The following SLCO1B1 variants were observed in gnomAD, a reference collection of about 807,000 sequenced individuals.
SLCO1B1 encodes solute carrier organic anion transporter family member 1B1.
A neutral mutation model predicts 70.1 loss-of-function variants in SLCO1B1; 81 were observed. The observed-to-expected ratio is 1.16, with a 90% confidence interval of 0.97 to 1.39. The LOEUF (loss-of-function observed/expected upper bound fraction) is 1.39, where lower values mean the gene tolerates loss of function less well. SLCO1B1 is among the 40% of genes most tolerant of loss of function. SLCO1B1 has a pLI of 0.00. For synonymous variants in SLCO1B1, 283 were observed against 271.5 expected (o/e 1.04, Z -0.42); for missense variants, 895 against 799.6 (o/e 1.12, Z -1.44).
At chr12:21,131,412 T>G (rs73244851) in intron 1 of SLCO1B1, among the ~76,000 whole-genome samples, 176 bp downstream of exon 1, 1,804 of 152,160 alleles carry the variant, frequency 0.012, 47 homozygotes, top group African/African-American at 0.041. Context: ...TAGAAGAGCC[T>G]CAGGTTTATA....
intron 11 of SLCO1B1, among the ~76,000 whole-genome samples, chr12:21,209,553 C>A (rs368626859): frequency 6.6e-6 from 1 of 152,088 alleles, no homozygotes; most frequent in Non-Finnish European, 1.5e-5. Context: ...GCATGATTTA[C>A]AGTCATTTGG....
intron 11 of SLCO1B1, 54 bp from the exon 12 acceptor site, chr12:21,217,065 G>T: frequency 7.7e-7 from 1 of 1,293,874 alleles, no homozygotes; most frequent in Non-Finnish European, 1.1e-6. Context: ...TGTATTTGCA[G>T]CACTGTTAGG....
At chr12:21,235,478 C>T (rs910444650) in intron 14 of SLCO1B1, among the ~76,000 whole-genome samples, 7 of 146,186 alleles carry the variant, frequency 4.8e-5, no homozygotes, top group African/African-American at 1.8e-4. Flanking sequence ...CAGAAGGTTG[C>T]CTTTTTTTTT....
chr12:21,146,405 A>C (rs560282660), intron 2 of SLCO1B1, among the ~76,000 whole-genome samples: 4 of 152,118 alleles, frequency 2.6e-5, no homozygotes, highest in Admixed American at 1.3e-4. Context: ...TGGTTTTGTC[A>C]ATTTCCTCTA....
intron 7 of SLCO1B1, among the ~76,000 whole-genome samples, chr12:21,184,030 A>G (rs1447336525): frequency 1.3e-5 from 2 of 151,806 alleles, no homozygotes; most frequent in African/African-American, 2.4e-5. Flanking sequence ...AATCCACTCC[A>G]TCAGACAAAA....
intron 2 of SLCO1B1, among the ~76,000 whole-genome samples, chr12:21,158,303 G>T (rs192221029): frequency 6.6e-6 from 1 of 152,254 alleles, no homozygotes; most frequent in East Asian, 1.9e-4. Context: ...CATGTTATTA[G>T]ATGTTTAAAA....
intron 2 of SLCO1B1, among the ~76,000 whole-genome samples, chr12:21,164,360 C>T (rs559242241): frequency 1.3e-5 from 2 of 152,064 alleles, no homozygotes; most frequent in African/African-American, 2.4e-5. Context: ...TACAGTTATC[C>T]GAACTAGAAA....
intron 2 of SLCO1B1, among the ~76,000 whole-genome samples, chr12:21,158,631 T>A (rs1445768703): frequency 6.6e-6 from 1 of 151,932 alleles, no homozygotes; most frequent in Non-Finnish European, 1.5e-5. Flanking sequence ...GAGGCAGAGG[T>A]TGCAGTGAGC....
At chr12:21,161,404 C>T (rs1297706805) in intron 2 of SLCO1B1, among the ~76,000 whole-genome samples, 1 of 152,108 alleles carries the variant, frequency 6.6e-6, no homozygotes, top group Non-Finnish European at 1.5e-5. Flanking sequence ...CAAACTAACA[C>T]AGGAAGAGAA....
intron 2 of SLCO1B1, among the ~76,000 whole-genome samples, chr12:21,157,711 C>T (rs1267487392): frequency 1.3e-5 from 2 of 151,426 alleles, no homozygotes; most frequent in South Asian, 2.1e-4. Context: ...ACGCCATTCT[C>T]CTGCCTCAGC....
chr12:21,180,189 G>C (rs973568650), intron 7 of SLCO1B1, among the ~76,000 whole-genome samples: 1 of 152,072 alleles, frequency 6.6e-6, no homozygotes, highest in Non-Finnish European at 1.5e-5. Flanking sequence ...CAACCCCACT[G>C]TATTCCCTAT....
chr12:21,135,092 C>T (rs1940198983), intron 1 of SLCO1B1, among the ~76,000 whole-genome samples: 1 of 152,100 alleles, frequency 6.6e-6, no homozygotes, highest in Non-Finnish European at 1.5e-5. Context: ...TCATTATGTA[C>T]CCAGTAGTCA....
At chr12:21,226,731 T>G (rs1212425665) in intron 14 of SLCO1B1, among the ~76,000 whole-genome samples, 2 of 151,156 alleles carry the variant, frequency 1.3e-5, no homozygotes, top group Non-Finnish European at 2.9e-5. Context: ...TTAATAATAA[T>G]GCATTCATAT....
In SLCO1B1 at chr12:21,217,302, A is replaced by G; in HGVS notation, c.1681A>G (p.Lys561Glu). 1 of 1,612,528 alleles carries G rather than the reference A, an allele frequency of 6.2e-7. No homozygotes were observed. Among genetic ancestry groups the G allele is most frequent in the Non-Finnish European group, 8.5e-7 (1 of 1,178,660 alleles). The change falls in exon 12 of 15, where the codon AAA becomes GAA. Residue 561 changes from lysine to glutamate, a missense_variant and splice_region_variant. By Grantham distance (56) the Lys-to-Glu change is moderately conservative. Transcript: ENST00000256958. ...CACCTCACATGTCATGCTGATTGTT[A>G]AGTAAGTATGACTTTTAAAAACATT... ...GGTSHVMLIV[K>E]IVQPELKSLA... is the part of the protein sequence containing the mutation.
chr12:21,137,079 A>T (rs1402884118), intron 1 of SLCO1B1, among the ~76,000 whole-genome samples: 2 of 152,000 alleles, frequency 1.3e-5, no homozygotes, highest in South Asian at 2.1e-4. Flanking sequence ...GGTCTGTTAG[A>T]GTTTGCTAGA....
rs550192468 is a variant in SLCO1B1, at chr12:21,181,103, T to G, written c.727+2083T>G. On this transcript the variant is annotated intron_variant, in intron 7 of 14. Coordinates refer to ENST00000256958, the MANE Select transcript of SLCO1B1 (RefSeq NM_006446.5). ...TTTTGGTTGTGAACTGCTCTCCCCA[T>G]GCATCCAAAAGCACTTGTGTTCCTC... 8.5e-5 allele frequency among the ~76,000 whole-genome samples: 13 copies of G among 152,318 alleles called. No individual in the cohort carries two copies. In the South Asian group the frequency reaches 2.7e-3, roughly 32 times the overall value.
At chr12:21,166,434 A>G (rs1343422809) in intron 2 of SLCO1B1, among the ~76,000 whole-genome samples, 1 of 152,172 alleles carries the variant, frequency 6.6e-6, no homozygotes, top group Non-Finnish European at 1.5e-5. Context: ...GAACATCTAA[A>G]ACTCAATAAT....
At chr12:21,152,533 C>CTTTTTTTGTTTTTTTTTTT (rs1940485401) in intron 2 of SLCO1B1, among the ~76,000 whole-genome samples, 2 of 34,358 alleles carry the variant, frequency 5.8e-5, no homozygotes, top group Admixed American at 5.7e-4. Context: ...AGAGGAGAGG[C>CTTTTTTTGTTTTTTTTTTT]TTTTTTTTTT....
chr12:21,155,165 TCTC>T (rs1940526068), intron 2 of SLCO1B1, among the ~76,000 whole-genome samples: 1 of 151,884 alleles, frequency 6.6e-6, no homozygotes, highest in African/African-American at 2.4e-5. Flanking sequence ...TTTAAATATT[TCTC>T]CTCTTCAACT....
Sources: allele counts gnomAD v4.1 joint callset (sites outside exome capture counted in the v4.1 genomes callset), GRCh38; gene constraint gnomAD v4.1.1; transcripts MANE v1.5; gene names NCBI Gene and HGNC (gene_info 2026-07-23, HGNC 2026-07-21).